Variants in PITPNM3 observed in about 807,000 individuals in gnomAD.
PITPNM3 encodes the protein PITPNM family member 3.
PITPNM3 carries 26 observed loss-of-function variants against 102.0 expected under a neutral mutation model. That is an observed-to-expected ratio of 0.25 (90% CI 0.19 to 0.35). The LOEUF is 0.35. Ranked by LOEUF, PITPNM3 falls within the 10% of genes least tolerant of loss-of-function variation. The pLI is 1.00. For synonymous variants in PITPNM3, 578 were observed against 558.6 expected, an observed-to-expected ratio of 1.03 and a Z score of -0.49; for missense variants, 1,083 against 1,346.1, an observed-to-expected ratio of 0.80 and a Z score of 3.06.
chr17:6,544,673 C>A (rs1384954662), intron 1 of PITPNM3, among the ~76,000 whole-genome samples: 1 of 151,900 alleles, frequency 6.6e-6, no homozygotes, highest in African/African-American at 2.4e-5. Flanking sequence ...CACACACACA[C>A]ACACAAATAC....
Position 6,451,892 on chromosome 17 carries a change from C to CCCCCCAGG in PITPNM3, c.*3445_*3446insCCTGGGGG, listed in dbSNP as rs55984944. 1.1e-5 allele frequency: 1 copy of CCCCCCAGG among 94,446 alleles called. No individual in the cohort carries two copies. The allele number at this position is 94,446 out of a possible 1,614,324, so 5.9% of individuals were successfully genotyped here. A position where few individuals can be genotyped will look rare whatever the true frequency, so the allele number is the denominator to read the frequency against. On this transcript the variant is annotated 3_prime_UTR_variant, in exon 20 of 20. Transcript: ENST00000262483. ...ACCCAAACCCCCCCCCCCCGCCCGC[C>CCCCCCAGG]GATGGGATTCGGTGGGAAAGTTGGT...
chr17:6,532,104 C>T (rs959425932), intron 2 of PITPNM3, among the ~76,000 whole-genome samples: 26 of 148,624 alleles, frequency 1.7e-4, no homozygotes, highest in African/African-American at 6.2e-4. Flanking sequence ...GAAACTCCGT[C>T]TAAAAAAAAA....
chr17:6,464,423 T>C, intron 15 of PITPNM3, 105 bp from the exon 16 acceptor site: 1 of 1,277,750 alleles, frequency 7.8e-7, no homozygotes, highest in East Asian at 2.4e-5. Context: ...TGCCTGACAT[T>C]CCCTGGCTCC....
intron 2 of PITPNM3, among the ~76,000 whole-genome samples, chr17:6,528,169 T>C (rs1908940334): frequency 6.6e-6 from 1 of 152,194 alleles, no homozygotes; most frequent in Admixed American, 6.5e-5. Context: ...TAGTTCTCTT[T>C]GCCTCTCCCA....
chr17:6,548,530 G>A (rs758581671), intron 1 of PITPNM3, among the ~76,000 whole-genome samples: 2 of 152,098 alleles, frequency 1.3e-5, no homozygotes, highest in Non-Finnish European at 1.5e-5. Context: ...CCACAGGGGC[G>A]ACATCAGGGC....
rs754202306 is a variant in PITPNM3 at position 6,538,033 on chromosome 17, G to A, written c.72C>T (p.Leu24=). ...CATCTGAGCTCTCCACAGAGTCACTGAGGACATTTCGAAGGTGCCAGGGGG... is the reference window on the plus strand; with the variant it reads ...CATCTGAGCTCTCCACAGAGTCACTAAGGACATTTCGAAGGTGCCAGGGGG... ...GGAPWHLRNV[L]SDSVESSDDE... The change falls in exon 2 of 20, where the codon CTC becomes CTT. Residue 24 remains leucine, a synonymous_variant. Transcript: ENST00000262483. 6.2e-7 allele frequency: 1 copy of A among 1,614,010 alleles called. No individual in the cohort carries two copies. Among genetic ancestry groups the A allele is most frequent in the Admixed American group, 1.7e-5 (1 of 60,028 alleles).
chr17:6,517,097 G>T lies in PITPNM3; in HGVS notation c.226+8259C>A, dbSNP rs1908232550. ...GCAAAATAAAGACATGTTTAGCAAT[G>T]CAAGGACCTAGAAAATTGCTATCCA... On this transcript the variant is annotated intron_variant, in intron 3 of 19. Transcript: ENST00000262483. The surrounding 1 kb of genome is among the most constrained non-coding windows in gnomAD (Gnocchi z 4.1). Among the ~76,000 whole-genome samples, 2 of 152,204 alleles carry T rather than the reference G, an allele frequency of 1.3e-5. No individual in the cohort carries two copies. The highest frequency in any genetic ancestry group is 4.8e-5 in the African/African-American group (2 of 41,452).
At chr17:6,522,233 T>C (rs1441238210) in intron 3 of PITPNM3, among the ~76,000 whole-genome samples, 3 of 151,628 alleles carry the variant, frequency 2.0e-5, no homozygotes, top group Admixed American at 1.3e-4. Context: ...GTGACCAAGA[T>C]GAGTTCACAA....
chr17:6,507,678 G>A, intron 3 of PITPNM3, among the ~76,000 whole-genome samples: 1 of 152,104 alleles, frequency 6.6e-6, no homozygotes, highest in East Asian at 1.9e-4. Context: ...CTGGAGCACT[G>A]GCCCTGAGCC....
rs1438914154 is a variant in PITPNM3 at position 6,457,067 on chromosome 17, G to A, written c.2619+527C>T. ...CATCTTGGCCGCACTGACCGTTCTA[G>A]CCCCGCCCCCCCACCTCCCAGCTCA... is the stretch of plus-strand genomic sequence containing the variant. On this transcript the variant is annotated intron_variant, in intron 19 of 19. Transcript: ENST00000262483. The surrounding 1 kb of genome is among the most constrained non-coding windows in gnomAD (Gnocchi z 4.7). Among the ~76,000 whole-genome samples the A allele has an allele frequency of 1.4e-5, 2 of 142,046 alleles. No homozygotes were observed. The highest frequency in any genetic ancestry group is 2.5e-5 in the African/African-American group (1 of 40,722). 93.2% of individuals were successfully genotyped at this position (142,046 alleles called of 152,430 possible). A position where few individuals can be genotyped will look rare whatever the true frequency, so the allele number is the denominator to read the frequency against.
At position 6,485,540 on chromosome 17, in the gene PITPNM3, TA is replaced by T. The variant is rs762422251; in HGVS notation, c.275-1249del. Among the ~76,000 whole-genome samples the T allele has an allele frequency of 1.3e-3, 193 of 151,166 alleles. 1 individual carries two copies. Among genetic ancestry groups the T allele is most frequent in the East Asian group, 5.6e-3 (29 of 5,176 alleles). On this transcript the variant is annotated intron_variant, in intron 4 of 19. Coordinates refer to ENST00000262483, the MANE Select transcript of PITPNM3 (RefSeq NM_031220.4). ...ACCCTAATATGGCTGGATACATACTTAAAAAAAAAATATCTGTTTGAAGTTA... is the reference window on the plus strand; with the variant it reads ...ACCCTAATATGGCTGGATACATACTTAAAAAAAAATATCTGTTTGAAGTTA...
At chr17:6,486,071 A>G (rs1342113356) in intron 4 of PITPNM3, among the ~76,000 whole-genome samples, 4 of 152,036 alleles carry the variant, frequency 2.6e-5, no homozygotes, top group Non-Finnish European at 4.4e-5. Context: ...CTGGGTGGAG[A>G]GACTTCAAAG....
Position 6,477,882 on chromosome 17 carries a change from G to A in PITPNM3, c.900+93C>T. ...CACTTCTTTGTGACCTGGATGTCATGGTGCCAACGTGAAGAACCAGCACTC... is the reference window on the plus strand; with the variant it reads ...CACTTCTTTGTGACCTGGATGTCATAGTGCCAACGTGAAGAACCAGCACTC... On this transcript the variant is annotated intron_variant, in intron 8 of 19. Coordinates refer to ENST00000262483, the MANE Select transcript of PITPNM3 (RefSeq NM_031220.4). 9 of 1,581,720 alleles carry A rather than the reference G, an allele frequency of 5.7e-6. No individual in the cohort carries two copies. The South Asian group carries it at 9.9e-5, about 17-fold the overall frequency.
intron 3 of PITPNM3, among the ~76,000 whole-genome samples, chr17:6,507,582 T>TAA (rs71381399): frequency 1.1e-3 from 170 of 148,164 alleles, no homozygotes; most frequent in Non-Finnish European, 2.1e-3. Flanking sequence ...AGACTCCATT[T>TAA]AAAAAAAAAA....
At chr17:6,545,921 C>T (rs1909999831) in intron 1 of PITPNM3, among the ~76,000 whole-genome samples, 1 of 152,240 alleles carries the variant, frequency 6.6e-6, no homozygotes, top group Non-Finnish European at 1.5e-5. Context: ...GCTGGGCACA[C>T]AGAAGGCTCT....
chr17:6,550,419 C>T (rs904305216), intron 1 of PITPNM3, among the ~76,000 whole-genome samples: 6 of 152,188 alleles, frequency 3.9e-5, no homozygotes, highest in Non-Finnish European at 7.3e-5. Flanking sequence ...TCCCAGCATG[C>T]GAACTCCCGA....
intron 3 of PITPNM3, among the ~76,000 whole-genome samples, chr17:6,518,823 G>T (rs1422472691): frequency 6.6e-6 from 1 of 152,148 alleles, no homozygotes; most frequent in African/African-American, 2.4e-5. Context: ...ACTTTCGGAA[G>T]TTAATTGTTT....
Position 6,528,639 on chromosome 17 carries a change from T to C in PITPNM3, c.119-3176A>G, listed in dbSNP as rs115337071. 2.6e-3 allele frequency among the ~76,000 whole-genome samples: 391 copies of C among 152,234 alleles called. 4 individuals are homozygous for C. Among genetic ancestry groups the C allele is most frequent in the African/African-American group, 8.8e-3 (366 of 41,546 alleles). On this transcript the variant is annotated intron_variant, in intron 2 of 19. Coordinates refer to ENST00000262483, the MANE Select transcript of PITPNM3 (RefSeq NM_031220.4). ...CTGCTCCCTCTCACTCTCTGCTTTA[T>C]CTTACCTTCTCTGGCATTCTCACAC...
At chr17:6,492,562 A>G (rs2150593581) in intron 4 of PITPNM3, among the ~76,000 whole-genome samples, 1 of 152,324 alleles carries the variant, frequency 6.6e-6, no homozygotes, top group East Asian at 1.9e-4. Flanking sequence ...GTTTGGGTTA[A>G]AAATGAACTC....
Sources: gnomAD v4.1 joint callset for allele counts (sites outside exome capture counted in the v4.1 genomes callset) on GRCh38, gnomAD v4.1.1 for gene constraint, Gnocchi (gnomAD v3.1) non-coding constraint, MANE v1.5 for transcripts, NCBI Gene and HGNC (gene_info 2026-07-23, HGNC 2026-07-21) for gene names.